Variants in WDR37 observed in about 807,000 individuals in gnomAD.
WDR37 encodes WD repeat domain 37.
WDR37 carries 19 observed loss-of-function variants against 62.9 expected under a neutral mutation model. The ratio of observed to expected loss-of-function variants is 0.30; its 90% CI spans 0.21 to 0.44. The LOEUF is 0.44. Ranked by LOEUF, WDR37 falls within the 20% of genes least tolerant of loss-of-function variation. WDR37 has a pLI of 1.00. For synonymous variants in WDR37, 250 were observed against 260.9 expected, an observed-to-expected ratio of 0.96 and a Z score of 0.40; for missense variants, 474 against 657.6, an observed-to-expected ratio of 0.72 and a Z score of 3.05.
At chr10:1,100,509 C>G (rs966253884) in intron 9 of WDR37, among the ~76,000 whole-genome samples, 1 of 152,350 alleles carries the variant, frequency 6.6e-6, no homozygotes, top group South Asian at 2.1e-4. Flanking sequence ...AACACAAACT[C>G]TAATCTGTTA....
intron 1 of WDR37, among the ~76,000 whole-genome samples, chr10:1,071,867 A>T (rs930789116): frequency 3.9e-5 from 6 of 151,956 alleles, no homozygotes; most frequent in Non-Finnish European, 8.8e-5. Context: ...TTTTTTTTTT[A>T]AATTTTAAAC....
intron 3 of WDR37, among the ~76,000 whole-genome samples, 159 bp downstream of exon 3, chr10:1,078,162 C>A (rs1408517777): frequency 6.6e-6 from 1 of 152,182 alleles, no homozygotes; most frequent in Non-Finnish European, 1.5e-5. Context: ...TCTTGCAGTT[C>A]TGTGGGTCTG....
intron 1 of WDR37, among the ~76,000 whole-genome samples, chr10:1,068,413 A>G (rs1042741108): frequency 1.3e-5 from 2 of 150,794 alleles, no homozygotes; most frequent in Non-Finnish European, 2.9e-5. Flanking sequence ...GCCGAGATTG[A>G]GCCACTGCAC....
In WDR37 at chr10:1,131,032, T is replaced by C. The variant is rs1835937938; in HGVS notation, c.*1688T>C. ...ACAAATAAAAAATGTGTTGTGTTTT[T>C]GTCCGACATTATTTCCTGACTGCAC... On this transcript the variant is annotated 3_prime_UTR_variant, in exon 14 of 14. Transcript: ENST00000263150. 1 of 152,264 alleles carries C rather than the reference T, an allele frequency of 6.6e-6. No homozygotes were observed. Among genetic ancestry groups the C allele is most frequent in the African/African-American group, 2.4e-5 (1 of 41,466 alleles). The allele number at this position is 152,264 out of a possible 1,614,324, so 9.4% of individuals were successfully genotyped here.
chr10:1,101,745 G>A (rs894657236), intron 9 of WDR37, among the ~76,000 whole-genome samples: 3 of 152,086 alleles, frequency 2.0e-5, no homozygotes, highest in Non-Finnish European at 2.9e-5. Context: ...CGCACATGGC[G>A]GGAATGTTGT....
At chr10:1,091,064 A>G (rs1554824033) in intron 7 of WDR37, among the ~76,000 whole-genome samples, 1 of 152,152 alleles carries the variant, frequency 6.6e-6, no homozygotes, top group Non-Finnish European at 1.5e-5. Context: ...CCGATTTTGT[A>G]AGATCAGGGG....
chr10:1,068,067 G>C (rs1833607328), intron 1 of WDR37, among the ~76,000 whole-genome samples: 1 of 152,146 alleles, frequency 6.6e-6, no homozygotes, highest in Non-Finnish European at 1.5e-5. Context: ...TAGAGACCGG[G>C]AAGGGTGTGA....
At chr10:1,100,779 C>T (rs1834767270) in intron 9 of WDR37, among the ~76,000 whole-genome samples, 1 of 152,164 alleles carries the variant, frequency 6.6e-6, no homozygotes, top group Non-Finnish European at 1.5e-5. Flanking sequence ...TGCTGTGCTC[C>T]CTCCAGAGCC....
intron 8 of WDR37, among the ~76,000 whole-genome samples, chr10:1,094,276 A>T (rs553367153): frequency 6.6e-6 from 1 of 152,362 alleles, no homozygotes; most frequent in African/African-American, 2.4e-5. Context: ...GGCTGTGTCC[A>T]CTTATTCACA....
rs562615087 is a variant in WDR37, at chr10:1,106,335, C to G, written c.1103+1068C>G. Among the ~76,000 whole-genome samples the G allele has an allele frequency of 1.5e-3, 222 of 152,322 alleles. 1 individual carries two copies. The highest frequency in any genetic ancestry group is 5.1e-3 in the African/African-American group (214 of 41,560). ...CCGCTCCTCGCTCCTCCATGCTCCC[C>G]CTACCTCCCACCAGTGCTGCTCTCC... On this transcript the variant is annotated intron_variant, in intron 11 of 13. Transcript: ENST00000263150.
chr10:1,059,455 TAGG>T (rs2131599449), intron 1 of WDR37, among the ~76,000 whole-genome samples: 1 of 151,916 alleles, frequency 6.6e-6, no homozygotes, highest in Admixed American at 6.5e-5. Context: ...TATACACACT[TAGG>T]AGAATGATAA....
intron 6 of WDR37, among the ~76,000 whole-genome samples, chr10:1,085,715 G>A (rs112584712): frequency 1.4e-4 from 21 of 152,212 alleles, no homozygotes; most frequent in African/African-American, 3.1e-4. Flanking sequence ...ATGGATGAGC[G>A]CCTTGGATTG....
intron 1 of WDR37, among the ~76,000 whole-genome samples, chr10:1,066,753 A>G (rs752532081): frequency 1.3e-5 from 2 of 152,246 alleles, no homozygotes; most frequent in Non-Finnish European, 2.9e-5. Flanking sequence ...ATAAAGACAT[A>G]CCTGAGATTG....
Position 1,085,131 on chromosome 10 carries a change from AT to A in WDR37, c.532+608del, listed in dbSNP as rs397944300. The stretch of plus-strand genomic sequence containing the variant: ...AGGCGCCCGCCACCACGCCTGGCTA[AT>A]TTTTTTTTTTTTTTGTATTTTTAGT... On this transcript the variant is annotated intron_variant, in intron 6 of 13. Transcript: ENST00000263150. Among the ~76,000 whole-genome samples, 983 of 143,098 alleles carry A rather than the reference AT, an allele frequency of 6.9e-3. 7 individuals carry two copies. The highest frequency in any genetic ancestry group is 0.057 in the South Asian group (258 of 4,506). 93.9% of individuals were successfully genotyped at this position (143,098 alleles called of 152,430 possible).
chr10:1,075,873 G>A (rs1833864892), intron 2 of WDR37, among the ~76,000 whole-genome samples: 1 of 150,646 alleles, frequency 6.6e-6, no homozygotes, highest in Admixed American at 6.6e-5. Flanking sequence ...TCTACCTCCT[G>A]GGTTCTAGCG....
At chr10:1,069,389 A>ATATATATATATATTTTTTTTTTTTTTTTT in intron 1 of WDR37, among the ~76,000 whole-genome samples, 3 of 95,780 alleles carry the variant, frequency 3.1e-5, no homozygotes, top group East Asian at 3.4e-4. Context: ...ATATATATAT[A>ATATATATATATATTTTTTTTTTTTTTTTT]TTTTTTTTTT....
At chr10:1,124,860 T>G (rs750248218) in intron 12 of WDR37, 50 bp from the exon 13 acceptor site, 4 of 1,601,022 alleles carry the variant, frequency 2.5e-6, no homozygotes, top group Admixed American at 1.7e-5. Flanking sequence ...ACTCAAAAAC[T>G]TACAGTGTCA....
intron 9 of WDR37, among the ~76,000 whole-genome samples, chr10:1,096,838 A>G (rs1446384797): frequency 1.3e-5 from 2 of 152,218 alleles, no homozygotes; most frequent in Non-Finnish European, 2.9e-5. Context: ...AAATACGGAC[A>G]TCAATGGGGA....
chr10:1,098,269 C>T (rs565488807), intron 9 of WDR37, among the ~76,000 whole-genome samples: 1 of 151,874 alleles, frequency 6.6e-6, no homozygotes, highest in African/African-American at 2.4e-5. Flanking sequence ...AGACAGCTCA[C>T]CCTTATGGCT....
Sources: allele counts gnomAD v4.1 joint callset (sites outside exome capture counted in the v4.1 genomes callset), GRCh38; gene constraint gnomAD v4.1.1; transcripts MANE v1.5; gene names NCBI Gene and HGNC (gene_info 2026-07-23, HGNC 2026-07-21).